FBXL2: variants seen among roughly 807,000 people sequenced by gnomAD.
FBXL2 encodes F-box and leucine rich repeat protein 2, also known as F-box/LRR-repeat protein 2.
In FBXL2, 38 loss-of-function variants were observed where a neutral mutation model predicts 69.2. The observed-to-expected ratio is 0.55, with a 90% CI of 0.42 to 0.72. The LOEUF is 0.72. Ranked by LOEUF, FBXL2 falls within the 30% of genes least tolerant of loss-of-function variation. FBXL2 has a pLI of 0.00. For synonymous variants in FBXL2, 192 were observed against 201.3 expected (o/e 0.95, Z 0.39); for missense variants, 354 against 520.3 (o/e 0.68, Z 3.11).
chr3:33,289,429 A>G (rs1427459209), intron 1 of FBXL2, among the ~76,000 whole-genome samples: 1 of 152,210 alleles, frequency 6.6e-6, no homozygotes, highest in Admixed American at 6.5e-5. Context: ...TAGTGAGAAA[A>G]GTCAGAGAAG....
intron 10 of FBXL2, among the ~76,000 whole-genome samples, chr3:33,375,711 C>T (rs1194705358): frequency 2.0e-5 from 3 of 152,088 alleles, no homozygotes; most frequent in African/African-American, 4.8e-5. Flanking sequence ...TTTAAGCACC[C>T]GAGTGAGCAC....
chr3:33,300,924 C>T (rs989958551), intron 2 of FBXL2, among the ~76,000 whole-genome samples: 7 of 151,652 alleles, frequency 4.6e-5, no homozygotes, highest in African/African-American at 1.5e-4. Flanking sequence ...ACCGTGGTCT[C>T]GATCTCCTGA....
At chr3:33,399,770 T>C (rs1299768982) in intron 12 of FBXL2, among the ~76,000 whole-genome samples, 1 of 152,206 alleles carries the variant, frequency 6.6e-6, no homozygotes, top group African/African-American at 2.4e-5. Flanking sequence ...ACATACGTTG[T>C]GCCAATGTCA....
chr3:33,350,517 C>T (rs1242605485), intron 2 of FBXL2, among the ~76,000 whole-genome samples: 1 of 151,788 alleles, frequency 6.6e-6, no homozygotes, highest in African/African-American at 2.4e-5. Flanking sequence ...ACTGCAACAT[C>T]TGCCTCCCAG....
At chr3:33,412,658 A>G in the FBXL2 span, 2 of 1,076,698 alleles carry the variant, frequency 1.9e-6, no homozygotes, top group African/African-American at 3.1e-5. Context: ...TGCCAACACA[A>G]CACATTACTG....
At chr3:33,337,014 G>A (rs2039640146) in intron 2 of FBXL2, among the ~76,000 whole-genome samples, 1 of 151,954 alleles carries the variant, frequency 6.6e-6, no homozygotes, top group Non-Finnish European at 1.5e-5. Context: ...AGACCAGCCT[G>A]GGCAAAACGA....
intron 1 of FBXL2, among the ~76,000 whole-genome samples, chr3:33,292,595 A>G (rs1216812187): frequency 1.3e-5 from 2 of 152,216 alleles, no homozygotes; most frequent in Admixed American, 6.5e-5. Flanking sequence ...GATCCTTGGC[A>G]TTTATGAAGC....
chr3:33,407,826 G>A (rs935668438), downstream of FBXL2, among the ~76,000 whole-genome samples: 1 of 152,204 alleles, frequency 6.6e-6, no homozygotes, highest in South Asian at 2.1e-4. Context: ...GAATACATAT[G>A]ATGACAATTA....
At chr3:33,414,841 A>C in the FBXL2 span, among the ~76,000 whole-genome samples, 2 of 152,182 alleles carry the variant, frequency 1.3e-5, no homozygotes, top group Non-Finnish European at 2.9e-5. Flanking sequence ...TCAGTGGGCT[A>C]AATATTTAGA....
intron 14 of FBXL2, among the ~76,000 whole-genome samples, chr3:33,385,019 ACT>A (rs1439346031): frequency 1.3e-5 from 2 of 152,008 alleles, no homozygotes; most frequent in East Asian, 1.9e-4. Context: ...CAAGAGTGAA[ACT>A]CTGTCTCAAA....
chr3:33,294,163 C>T (rs2035522068), intron 1 of FBXL2, among the ~76,000 whole-genome samples: 1 of 152,156 alleles, frequency 6.6e-6, no homozygotes. Context: ...GTAGCGTGGT[C>T]ATAGCTCACT....
chr3:33,384,735 G>A (rs1406374029), intron 14 of FBXL2, among the ~76,000 whole-genome samples: 1 of 151,882 alleles, frequency 6.6e-6, no homozygotes, highest in African/African-American at 2.4e-5. Flanking sequence ...GGTGATCGTA[G>A]CCCTTATAAG....
Position 33,402,191 on chromosome 3 carries a change from G to A in FBXL2, n.1215-1043G>A, listed in dbSNP as rs181224669. 7.9e-5 allele frequency among the ~76,000 whole-genome samples: 12 copies of A among 152,274 alleles called. No homozygotes were observed. In the East Asian group the frequency reaches 1.5e-3, roughly 20 times the overall value. ...CAGCAAAGCCCTAGAATGGAAAGCC[G>A]CCATGGGGTACTGCTGTACCTTCAA... On this transcript the variant is annotated intron_variant and non_coding_transcript_variant, in intron 12 of 12. Transcript: ENST00000463736.
intron 5 of FBXL2, among the ~76,000 whole-genome samples, chr3:33,369,100 G>A (rs1432757661): frequency 6.7e-6 from 1 of 150,012 alleles, no homozygotes; most frequent in Non-Finnish European, 1.5e-5. Flanking sequence ...TGCCCAGGCT[G>A]CAGTGCAGTG....
chr3:33,396,149 C>A, intron 12 of FBXL2: 1 of 1,552,632 alleles, frequency 6.4e-7, no homozygotes, highest in Non-Finnish European at 8.8e-7. Context: ...ATTGAGATGC[C>A]CTCAATACCT....
At chr3:33,344,810 T>G (rs1208373255) in intron 2 of FBXL2, among the ~76,000 whole-genome samples, 1 of 152,118 alleles carries the variant, frequency 6.6e-6, no homozygotes, top group Non-Finnish European at 1.5e-5. Context: ...AAATTCTTAC[T>G]AAAACTGATT....
intron 1 of FBXL2, among the ~76,000 whole-genome samples, chr3:33,284,853 A>G (rs2034432666): frequency 6.6e-6 from 1 of 152,182 alleles, no homozygotes. Context: ...GTTTTATCAA[A>G]GATAGAATTG....
chr3:33,277,503 C>A lies in FBXL2; in HGVS notation c.-10C>A. 1.5e-6 allele frequency: 2 copies of A among 1,300,672 alleles called. No homozygotes were observed. Among genetic ancestry groups the A allele is most frequent in the South Asian group, 2.8e-5 (1 of 35,658 alleles). The allele number at this position is 1,300,672 out of a possible 1,614,324, so 80.6% of individuals were successfully genotyped here. ...CTTCGGGCTGTGGGCTCGCTCGCGG[C>A]TCTTCGGCCATGGTGAGTCTGGGAC... On this transcript the variant is annotated 5_prime_UTR_variant, in exon 1 of 15. Coordinates refer to ENST00000484457, the MANE Select transcript of FBXL2 (RefSeq NM_012157.5).
chr3:33,383,765 TCA>T (rs1575422164), intron 13 of FBXL2: 1 of 529,736 alleles, frequency 1.9e-6, no homozygotes, highest in Non-Finnish European at 3.4e-6. Flanking sequence ...ATTAAATGTC[TCA>T]GTCTGTTTTG....
Sources: allele counts gnomAD v4.1 joint callset (sites outside exome capture counted in the v4.1 genomes callset), GRCh38; gene constraint gnomAD v4.1.1; transcripts MANE v1.5; gene names NCBI Gene and HGNC (gene_info 2026-07-23, HGNC 2026-07-21).